PIR: variants seen among roughly 807,000 people sequenced by gnomAD.
The protein encoded by PIR is pirin.
Under a neutral mutation model 24.2 loss-of-function variants are expected in PIR, and 22 were observed. The observed-to-expected ratio is 0.91, with a 90% CI of 0.65 to 1.30. PIR has a LOEUF of 1.30. PIR is among the 50% of genes most tolerant of loss of function. The probability of loss-of-function intolerance (pLI) is 0.00; values close to 1 mark genes in which losing one functional copy is unlikely to be tolerated. For synonymous variants in PIR, 80 were observed against 79.6 expected, an observed-to-expected ratio of 1.00 and a Z score of -0.03; for missense variants, 220 against 220.3, an observed-to-expected ratio of 1.00 and a Z score of 0.01.
rs545530472 is a variant in PIR at position 15,479,812 on chromosome X, G to T, written c.106C>A (p.Leu36Met). The T allele has an allele frequency of 1.4e-4, 158 of 1,128,400 alleles. No individual in the cohort carries two copies. The South Asian group carries it at 3.0e-3, about 21-fold the overall frequency. The allele number at this position is 1,128,400 out of a possible 1,213,427, so 93.0% of individuals were successfully genotyped here. A position where few individuals can be genotyped will look rare whatever the true frequency, so the allele number is the denominator to read the frequency against. ...TCATCAAACAGTAAAAACGGATCCAGATTTTTTAACTGAAATAAAAATAAA... is the reference window on the plus strand; with the variant it reads ...TCATCAAACAGTAAAAACGGATCCATATTTTTTAACTGAAATAAAAATAAA... ...RSIGRPELKN[L>M]DPFLLFDEFK... The change falls in exon 3 of 10, where the codon CTG (leucine) becomes ATG (methionine). Residue 36 changes from leucine (L) to methionine (M), a missense_variant. By Grantham distance (15) the Leu-to-Met change is conservative (BLOSUM62 2). Coordinates refer to ENST00000380420, the MANE Select transcript of PIR (RefSeq NM_001018109.3).
chrX:15,453,261 C>T (rs781350378), intron 5 of PIR, among the ~76,000 whole-genome samples: 1 of 112,271 alleles, frequency 8.9e-6, no homozygotes, highest in South Asian at 3.7e-4. Context: ...CTCAGCCCAG[C>T]TCCTGTTCAA....
intron 1 of PIR, among the ~76,000 whole-genome samples, chrX:15,492,978 AT>A (rs1272427060): frequency 8.9e-6 from 1 of 112,501 alleles, no homozygotes; most frequent in Non-Finnish European, 1.9e-5. Context: ...ATTAAATTGT[AT>A]GCATGTGAAC....
At chrX:15,398,161 C>T (rs187016064) in intron 7 of PIR, among the ~76,000 whole-genome samples, 9 of 110,600 alleles carry the variant, frequency 8.1e-5, no homozygotes, top group Admixed American at 5.8e-4. Context: ...ATGAGTTAAT[C>T]GGTGCAGCAC....
chrX:15,475,133 G>A (rs1922128077), intron 3 of PIR, among the ~76,000 whole-genome samples: 1 of 110,027 alleles, frequency 9.1e-6, no homozygotes, highest in Admixed American at 9.7e-5. Flanking sequence ...GTGGGAGGTG[G>A]GAGGTTTGAA....
intron 5 of PIR, among the ~76,000 whole-genome samples, chrX:15,454,084 G>A (rs776760422): frequency 3.2e-4 from 36 of 111,647 alleles, no homozygotes; most frequent in Non-Finnish European, 6.0e-4. Context: ...TACCATGTGA[G>A]ATGGAGTGAG....
At chrX:15,460,665 A>G (rs111526666) in intron 3 of PIR, among the ~76,000 whole-genome samples, 3,819 of 111,666 alleles carry the variant, frequency 0.034, 161 homozygotes, top group African/African-American at 0.12. Flanking sequence ...AGTAAGTATT[A>G]TACACTTAAA....
intron 3 of PIR, among the ~76,000 whole-genome samples, chrX:15,471,063 A>C (rs891609680): frequency 2.7e-5 from 3 of 112,157 alleles, no homozygotes; most frequent in Admixed American, 9.4e-5. Flanking sequence ...CTTTCAAAGA[A>C]TATTTCAGTT....
intron 3 of PIR, chrX:15,478,269 A>G (rs1422833852): frequency 8.9e-6 from 1 of 111,779 alleles, no homozygotes; most frequent in Non-Finnish European, 1.9e-5. Flanking sequence ...AAGGTCATCA[A>G]AAAGGCATAA....
chrX:15,478,649 C>T (rs1179755306), intron 3 of PIR: 3 of 111,953 alleles, frequency 2.7e-5, no homozygotes, highest in Admixed American at 9.5e-5. Flanking sequence ...GATCCTACTT[C>T]CAGAAACTTC....
At chrX:15,433,841 G>A (rs1925621072) in intron 5 of PIR, among the ~76,000 whole-genome samples, 1 of 33,432 alleles carries the variant, frequency 3.0e-5, no homozygotes, top group Non-Finnish European at 5.4e-5. Flanking sequence ...GGAGGAGGAA[G>A]GAGAAAGAAG....
chrX:15,395,612 T>A (rs1184049712), intron 8 of PIR, among the ~76,000 whole-genome samples: 1 of 112,175 alleles, frequency 8.9e-6, no homozygotes. Flanking sequence ...ATTATTTTAA[T>A]TTTGCAGACA....
At chrX:15,418,117 G>T (rs891080145) in intron 6 of PIR, among the ~76,000 whole-genome samples, 3 of 111,565 alleles carry the variant, frequency 2.7e-5, no homozygotes, top group African/African-American at 9.8e-5. Flanking sequence ...AAGCAAAAAG[G>T]TTCATAAAAT....
chrX:15,466,037 G>T (rs60247305), intron 3 of PIR, among the ~76,000 whole-genome samples: 1 of 74,325 alleles, frequency 1.3e-5, no homozygotes, highest in African/African-American at 5.6e-5. Context: ...TTGTCTACTA[G>T]TGGCTTGGTA....
At chrX:15,406,997 A>G (rs1042520487) in intron 7 of PIR, among the ~76,000 whole-genome samples, 3 of 112,471 alleles carry the variant, frequency 2.7e-5, no homozygotes, top group African/African-American at 9.7e-5. Flanking sequence ...CCTCATCTAT[A>G]AAATGAGCAT....
At chrX:15,488,271 T>A (rs1241205190) in intron 2 of PIR, among the ~76,000 whole-genome samples, 1 of 57,183 alleles carries the variant, frequency 1.7e-5, no homozygotes, top group African/African-American at 8.1e-5. Context: ...AGAGCGAAAC[T>A]CCGTCTCAAA....
At chrX:15,468,839 T>C (rs773617900) in intron 3 of PIR, among the ~76,000 whole-genome samples, 1 of 112,790 alleles carries the variant, frequency 8.9e-6, no homozygotes, top group Admixed American at 9.3e-5. Flanking sequence ...ATTGTAAAGA[T>C]AGTATGGAGA....
At chrX:15,420,102 CAGG>C (rs1276217256) in intron 6 of PIR, among the ~76,000 whole-genome samples, 1 of 109,924 alleles carries the variant, frequency 9.1e-6, no homozygotes, top group Non-Finnish European at 1.9e-5. Context: ...GAGGCTGAGG[CAGG>C]AGAATCACTT....
intron 8 of PIR, among the ~76,000 whole-genome samples, chrX:15,394,552 C>T (rs918725431): frequency 1.8e-5 from 2 of 111,428 alleles, no homozygotes; most frequent in Admixed American, 9.6e-5. Context: ...AAGACCTTCT[C>T]AATAGTATAC....
At chrX:15,456,565 C>T (rs901187546) in intron 4 of PIR, among the ~76,000 whole-genome samples, 2 of 112,363 alleles carry the variant, frequency 1.8e-5, no homozygotes, top group African/African-American at 6.5e-5. Flanking sequence ...ATCAGCAAAC[C>T]ATTGACTGTG....
Sources: gnomAD v4.1 joint callset for allele counts (sites outside exome capture counted in the v4.1 genomes callset) on GRCh38, gnomAD v4.1.1 for gene constraint, MANE v1.5 for transcripts, NCBI Gene and HGNC (gene_info 2026-07-23, HGNC 2026-07-21) for gene names.